NAPEPLD: variants seen among roughly 807,000 people sequenced by gnomAD.
The protein encoded by NAPEPLD is N-acyl-phosphatidylethanolamine-hydrolyzing phospholipase D.
NAPEPLD carries 23 observed loss-of-function variants against 38.1 expected under a neutral mutation model. That is an observed-to-expected ratio of 0.60 (90% CI 0.43 to 0.86). The LOEUF (loss-of-function observed/expected upper bound fraction) is 0.86. Among genes scored for constraint, NAPEPLD ranks in the 40% least tolerant of loss-of-function variants. The pLI, the probability that NAPEPLD is intolerant of heterozygous loss-of-function variation, is 0.00. For synonymous variants in NAPEPLD, 147 were observed against 162.0 expected (o/e 0.91, Z 0.71); for missense variants, 411 against 476.8 (o/e 0.86, Z 1.28).
intron 2 of NAPEPLD, among the ~76,000 whole-genome samples, chr7:103,125,753 G>T (rs987050621): frequency 6.6e-6 from 1 of 151,976 alleles, no homozygotes; most frequent in African/African-American, 2.4e-5. Flanking sequence ...CAGGCGTGGT[G>T]GCAGGCGCCC....
At chr7:103,138,576 C>T (rs1810570611) in intron 1 of NAPEPLD, among the ~76,000 whole-genome samples, 1 of 151,748 alleles carries the variant, frequency 6.6e-6, no homozygotes, top group African/African-American at 2.4e-5. Context: ...TCAAACGATT[C>T]TCCTGCCTCA....
intron 3 of NAPEPLD, among the ~76,000 whole-genome samples, chr7:103,117,276 C>T (rs1300593570): frequency 6.6e-6 from 1 of 152,162 alleles, no homozygotes; most frequent in African/African-American, 2.4e-5. Flanking sequence ...CTGTGTTCTC[C>T]TCAACAGCAA....
At chr7:103,144,589 C>A (rs1472839971) in intron 1 of NAPEPLD, among the ~76,000 whole-genome samples, 1 of 151,924 alleles carries the variant, frequency 6.6e-6, no homozygotes, top group African/African-American at 2.4e-5. Flanking sequence ...CAGCATAAAA[C>A]CACCTAACAT....
At chr7:103,107,152 G>C (rs189594730) in intron 4 of NAPEPLD, among the ~76,000 whole-genome samples, 16 of 152,286 alleles carry the variant, frequency 1.1e-4, no homozygotes, top group Admixed American at 8.5e-4. Context: ...CAGACCTGCA[G>C]CAGAGGGGCC....
At position 103,115,093 on chromosome 7, in the gene NAPEPLD, T is replaced by C; in HGVS notation, c.1023A>G (p.Ala341=). ...HTDVQTKKSM[A]IHWGTFALAN... ...CTAAGGCAAAAGTTCCCCAGTGAATTGCCATAGATTTCTTTGTTTGGACAT... is the reference window on the plus strand; with the variant it reads ...CTAAGGCAAAAGTTCCCCAGTGAATCGCCATAGATTTCTTTGTTTGGACAT... The change falls in exon 4 of 5, where the codon GCA becomes GCG. Residue 341 remains alanine, a synonymous_variant. Coordinates refer to ENST00000465647, the MANE Select transcript of NAPEPLD (RefSeq NM_001122838.3). 1.2e-6 allele frequency: 2 copies of C among 1,613,942 alleles called. No homozygotes were observed. The highest frequency in any genetic ancestry group is 1.1e-5 in the South Asian group (1 of 91,014).
chr7:103,133,794 T>C (rs1351317929), intron 1 of NAPEPLD, among the ~76,000 whole-genome samples: 1 of 152,226 alleles, frequency 6.6e-6, no homozygotes, highest in African/African-American at 2.4e-5. Flanking sequence ...CACCCTTGAT[T>C]TCAGGCCAAC....
chr7:103,144,810 G>A (rs750923006), intron 1 of NAPEPLD, among the ~76,000 whole-genome samples: 3 of 151,886 alleles, frequency 2.0e-5, no homozygotes, highest in Non-Finnish European at 2.9e-5. Flanking sequence ...CCAGGAGTTC[G>A]AGACCAGCTT....
chr7:103,141,510 T>C lies in NAPEPLD; in HGVS notation c.-17+7301A>G, dbSNP rs1585900168. On this transcript the variant is annotated intron_variant, in intron 1 of 4. Coordinates refer to ENST00000465647, the MANE Select transcript of NAPEPLD (RefSeq NM_001122838.3). ...TTGCGGGCCTTGTCTGCCTTCAGCT[T>C]GTGGATGTGTTCCATGAGAATCTGC... 3 of 1,440,040 alleles carry C rather than the reference T, an allele frequency of 2.1e-6. No homozygotes were observed. In the East Asian group the frequency reaches 6.8e-5, roughly 33 times the overall value. 89.2% of individuals were successfully genotyped at this position (1,440,040 alleles called of 1,614,324 possible).
intron 1 of NAPEPLD, among the ~76,000 whole-genome samples, chr7:103,133,118 A>G (rs1350142096): frequency 6.6e-6 from 1 of 152,144 alleles, no homozygotes; most frequent in Non-Finnish European, 1.5e-5. Context: ...GGTCAGCATG[A>G]TGGTTCACAG....
At chr7:103,126,088 C>T (rs940459522) in intron 2 of NAPEPLD, among the ~76,000 whole-genome samples, 11 of 151,872 alleles carry the variant, frequency 7.2e-5, no homozygotes, top group African/African-American at 2.4e-4. Flanking sequence ...CACTAGAGCC[C>T]GGGAGTTTGA....
intron 1 of NAPEPLD, among the ~76,000 whole-genome samples, chr7:103,137,607 T>C (rs960692741): frequency 6.6e-6 from 1 of 152,130 alleles, no homozygotes; most frequent in African/African-American, 2.4e-5. Flanking sequence ...AAGTGCAGGT[T>C]CATTTCCGGT....
intron 3 of NAPEPLD, chr7:103,115,469 C>CT (rs1805379115): frequency 4.1e-6 from 1 of 244,452 alleles, no homozygotes; most frequent in Admixed American, 5.2e-5. Flanking sequence ...AAGCAAAAGT[C>CT]TTTCTTGTAC....
At chr7:103,112,619 G>A (rs541971486) in intron 4 of NAPEPLD, among the ~76,000 whole-genome samples, 12 of 152,218 alleles carry the variant, frequency 7.9e-5, no homozygotes, top group African/African-American at 1.9e-4. Context: ...GGGGGGCTAC[G>A]GGAGGGATAG....
rs540491908 is a variant in NAPEPLD, at chr7:103,143,011, C to T, written c.-17+5800G>A. Among the ~76,000 whole-genome samples the T allele has an allele frequency of 3.3e-5, 5 of 152,044 alleles. No homozygotes were observed. In the South Asian group the frequency reaches 1.0e-3, roughly 32 times the overall value. On this transcript the variant is annotated intron_variant, in intron 1 of 4. Coordinates refer to ENST00000465647, the MANE Select transcript of NAPEPLD (RefSeq NM_001122838.3). ...GGCCAAGGCAGGCAGATCACTTGAG[C>T]CCAGGAGTTCAAGACCACCCTGGGC...
At chr7:103,113,501 T>C (rs894423604) in intron 4 of NAPEPLD, among the ~76,000 whole-genome samples, 2 of 150,918 alleles carry the variant, frequency 1.3e-5, no homozygotes, top group African/African-American at 4.9e-5. Flanking sequence ...AAGAAAACAC[T>C]GAGTTCCTGC....
intron 4 of NAPEPLD, among the ~76,000 whole-genome samples, chr7:103,106,455 C>T (rs1197820085): frequency 1.3e-5 from 2 of 152,060 alleles, no homozygotes; most frequent in African/African-American, 4.8e-5. Flanking sequence ...TGGTCTGGCT[C>T]AGCGGGGCCC....
intron 4 of NAPEPLD, among the ~76,000 whole-genome samples, chr7:103,108,292 G>A (rs560833521): frequency 4.1e-4 from 63 of 152,164 alleles, no homozygotes; most frequent in South Asian, 1.2e-3. Context: ...ACAGGCGTGC[G>A]CCACAACACC....
chr7:103,140,250 C>T (rs939976261), intron 1 of NAPEPLD, among the ~76,000 whole-genome samples: 1 of 151,962 alleles, frequency 6.6e-6, no homozygotes, highest in African/African-American at 2.4e-5. Flanking sequence ...TACATGTATA[C>T]CATTTTTGCA....
Position 103,119,568 on chromosome 7 carries a change from T to C in NAPEPLD, c.941+9A>G. 6.3e-7 allele frequency: 1 copy of C among 1,596,576 alleles called. No homozygotes were observed. The highest frequency in any genetic ancestry group is 8.5e-7 in the Non-Finnish European group (1 of 1,170,676). ...ATAGCAGGAATGTTTTCTTTGGAAG[T>C]CTACATACCTCGGTTCATAAGCTCC... On this transcript the variant is annotated intron_variant, in intron 3 of 4. Transcript: ENST00000465647.
Sources: allele counts gnomAD v4.1 joint callset (sites outside exome capture counted in the v4.1 genomes callset), GRCh38; gene constraint gnomAD v4.1.1; transcripts MANE v1.5; gene names NCBI Gene and HGNC (gene_info 2026-07-23, HGNC 2026-07-21).